IQGAP2: variants seen among roughly 807,000 people sequenced by gnomAD.
IQGAP2 encodes the protein IQ motif containing GTPase activating protein 2.
A neutral mutation model predicts 201.3 loss-of-function variants in IQGAP2; 173 were observed. That is an observed-to-expected ratio of 0.86 (90% CI 0.76 to 0.98). The LOEUF (loss-of-function observed/expected upper bound fraction) is 0.98, where lower values mean the gene tolerates loss of function less well. IQGAP2 is among the 50% of genes least tolerant of loss of function. The pLI, the probability that IQGAP2 is intolerant of heterozygous loss-of-function variation, is 0.00. For missense variants in IQGAP2, 1,687 were observed against 1,864.8 expected, an observed-to-expected ratio of 0.90 and a Z score of 1.76; for synonymous variants, 675 against 673.9, an observed-to-expected ratio of 1.00 and a Z score of -0.03.
intron 2 of IQGAP2, among the ~76,000 whole-genome samples, chr5:76,468,898 A>G (rs1389382754): frequency 1.3e-5 from 2 of 152,008 alleles, no homozygotes; most frequent in Admixed American, 6.5e-5. Flanking sequence ...TGGCTTCCAC[A>G]TCCAGGTCAA....
chr5:76,656,274 C>T (rs1259406911), intron 20 of IQGAP2, among the ~76,000 whole-genome samples: 1 of 151,676 alleles, frequency 6.6e-6, no homozygotes, highest in Non-Finnish European at 1.5e-5. Context: ...CCAGGCAGGA[C>T]TGCAGTGGCG....
intron 17 of IQGAP2, among the ~76,000 whole-genome samples, chr5:76,644,027 T>A (rs959217258): frequency 6.6e-6 from 1 of 151,920 alleles, no homozygotes; most frequent in Non-Finnish European, 1.5e-5. Context: ...GCATTGGTAA[T>A]TTGAATATCT....
chr5:76,665,956 G>A (rs1434655003), intron 22 of IQGAP2, among the ~76,000 whole-genome samples: 1 of 152,226 alleles, frequency 6.6e-6, no homozygotes, highest in African/African-American at 2.4e-5. Context: ...CCTTGTAAGA[G>A]TCAGATGTCT....
chr5:76,447,003 G>C (rs1753427947), intron 1 of IQGAP2, among the ~76,000 whole-genome samples: 1 of 152,244 alleles, frequency 6.6e-6, no homozygotes, highest in Non-Finnish European at 1.5e-5. Context: ...AGAAGGTCAT[G>C]CCTATTTTGC....
chr5:76,625,575 A>G (rs1365409014), intron 13 of IQGAP2, among the ~76,000 whole-genome samples: 1 of 152,128 alleles, frequency 6.6e-6, no homozygotes, highest in Non-Finnish European at 1.5e-5. Flanking sequence ...GCTAGAGGTG[A>G]TTGTGGAAGC....
In IQGAP2 at chr5:76,467,049, G is replaced by A. The variant is rs575580453; in HGVS notation, c.146+5380G>A. 2.6e-5 allele frequency among the ~76,000 whole-genome samples: 4 copies of A among 152,252 alleles called. No homozygotes were observed. The South Asian group carries it at 6.2e-4, about 24-fold the overall frequency. ...GCAGATCGCTTGAGCCCAGGAGATC[G>A]AGACCAGCCTGGGCAACATGGTGAA... is the stretch of plus-strand genomic sequence containing the variant. On this transcript the variant is annotated intron_variant, in intron 2 of 35. Coordinates refer to ENST00000274364, the MANE Select transcript of IQGAP2 (RefSeq NM_006633.5).
In IQGAP2 at chr5:76,707,447, C is replaced by A. The variant is rs1748004954; in HGVS notation, c.*134C>A. The A allele has an allele frequency of 3.1e-6, 2 of 634,966 alleles. No homozygotes were observed. The highest frequency in any genetic ancestry group is 2.8e-6 in the Non-Finnish European group (1 of 358,254). 39.3% of individuals were successfully genotyped at this position (634,966 alleles called of 1,614,324 possible). A position where few individuals can be genotyped will look rare whatever the true frequency, so the allele number is the denominator to read the frequency against. On this transcript the variant is annotated 3_prime_UTR_variant, in exon 36 of 36. Transcript: ENST00000274364. Reference sequence around the variant, plus strand: ...TTTTTTTAAAACGACCAAAACTGTTCTGAAGAATGTACCCAGGTGCCTTTT... The same window carrying A: ...TTTTTTTAAAACGACCAAAACTGTTATGAAGAATGTACCCAGGTGCCTTTT...
At chr5:76,484,967 T>A (rs1580293540) in intron 2 of IQGAP2, among the ~76,000 whole-genome samples, 2 of 152,204 alleles carry the variant, frequency 1.3e-5, no homozygotes, top group African/African-American at 4.8e-5. Context: ...TAGCTGGGAC[T>A]ACAGGTGTAT....
intron 2 of IQGAP2, among the ~76,000 whole-genome samples, chr5:76,545,451 C>T (rs1320748526): frequency 6.6e-6 from 1 of 152,212 alleles, no homozygotes; most frequent in East Asian, 1.9e-4. Flanking sequence ...CTGGTTTGTG[C>T]TGGACCCCTA....
chr5:76,654,435 T>TAACA (rs1752751105), intron 19 of IQGAP2, among the ~76,000 whole-genome samples, 164 bp downstream of exon 19: 4 of 152,228 alleles, frequency 2.6e-5, no homozygotes, highest in African/African-American at 7.2e-5. Flanking sequence ...CTTACTGTTT[T>TAACA]CATTCAGAAA....
At chr5:76,609,047 G>T in intron 12 of IQGAP2, 1 of 1,500,214 alleles carries the variant, frequency 6.7e-7, no homozygotes, top group Non-Finnish European at 9.0e-7. Flanking sequence ...TTCCCAGAGG[G>T]CTTCTGGGTA....
intron 2 of IQGAP2, among the ~76,000 whole-genome samples, chr5:76,539,491 G>T: frequency 6.6e-6 from 1 of 152,182 alleles, no homozygotes; most frequent in East Asian, 1.9e-4. Context: ...CTTCAGCTCA[G>T]CCAGCAGTCA....
At chr5:76,655,163 C>T (rs1464571929) in intron 20 of IQGAP2, among the ~76,000 whole-genome samples, 160 bp downstream of exon 20, 1 of 152,180 alleles carries the variant, frequency 6.6e-6, no homozygotes, top group South Asian at 2.1e-4. Context: ...TAAACCAGTA[C>T]ACAGAGGAGC....
intron 2 of IQGAP2, among the ~76,000 whole-genome samples, chr5:76,490,065 T>A (rs1173319142): frequency 1.3e-5 from 2 of 152,230 alleles, no homozygotes. Flanking sequence ...AGAGTGCCGG[T>A]TGGAAATAAC....
At chr5:76,545,525 A>G (rs1302255098) in intron 2 of IQGAP2, among the ~76,000 whole-genome samples, 3 of 152,332 alleles carry the variant, frequency 2.0e-5, no homozygotes, top group East Asian at 1.9e-4. Flanking sequence ...TATGTATACA[A>G]TGTATCATTT....
intron 2 of IQGAP2, among the ~76,000 whole-genome samples, chr5:76,552,426 T>C (rs2150237613): frequency 6.6e-6 from 1 of 152,326 alleles, no homozygotes; most frequent in African/African-American, 2.4e-5. Context: ...TTCTGGTTTG[T>C]TTAGCCTAAC....
chr5:76,603,664 A>G lies in IQGAP2; in HGVS notation c.1233-2515A>G, dbSNP rs1747587809. ...TCGTCTTACCCACTGGTCTGAAAGC[A>G]TAAAGGCTGCACCTTTTTCCTCCTA... On this transcript the variant is annotated intron_variant, in intron 11 of 35. Transcript: ENST00000274364. Among the ~76,000 whole-genome samples, 3 of 152,326 alleles carry G rather than the reference A, an allele frequency of 2.0e-5. No individual in the cohort carries two copies. In the South Asian group the frequency reaches 6.2e-4, roughly 32 times the overall value.
At chr5:76,563,119 C>T (rs1744497427) in intron 3 of IQGAP2, among the ~76,000 whole-genome samples, 1 of 152,122 alleles carries the variant, frequency 6.6e-6, no homozygotes, top group South Asian at 2.1e-4. Context: ...AATCCCAACA[C>T]TTTTGGAGGC....
At chr5:76,642,473 T>C (rs374933338) in intron 17 of IQGAP2, among the ~76,000 whole-genome samples, 1 of 152,080 alleles carries the variant, frequency 6.6e-6, no homozygotes, top group Non-Finnish European at 1.5e-5. Context: ...TTTTCAGTCT[T>C]CTGACAATTT....
Sources: gnomAD v4.1 joint callset for allele counts (sites outside exome capture counted in the v4.1 genomes callset) on GRCh38, gnomAD v4.1.1 for gene constraint, MANE v1.5 for transcripts, NCBI Gene and HGNC (gene_info 2026-07-23, HGNC 2026-07-21) for gene names.